The following PDZK1IP1 variants were observed in gnomAD, a reference collection of about 807,000 sequenced individuals.
PDZK1IP1 encodes PDZK1-interacting protein 1.
In PDZK1IP1, 9 loss-of-function variants were observed where a neutral mutation model predicts 14.7. The ratio of observed to expected loss-of-function variants is 0.61; its 90% CI spans 0.37 to 1.07. PDZK1IP1 has a LOEUF of 1.07. Ranked by LOEUF, PDZK1IP1 falls within the 50% of genes least tolerant of loss-of-function variation. PDZK1IP1 has a pLI of 0.01. For missense variants in PDZK1IP1, 152 were observed against 148.7 expected (o/e 1.02, Z -0.11); for synonymous variants, 70 against 61.2 (o/e 1.14, Z -0.67).
chr1:47,188,211 G>T (rs1238233651), intron 1 of PDZK1IP1, among the ~76,000 whole-genome samples: 2 of 152,200 alleles, frequency 1.3e-5, no homozygotes, highest in African/African-American at 4.8e-5. Flanking sequence ...TTACTACGTT[G>T]CCCAGGCTGG....
At chr1:47,184,512 A>AG in intron 3 of PDZK1IP1, among the ~76,000 whole-genome samples, 1 of 137,468 alleles carries the variant, frequency 7.3e-6, no homozygotes, top group Middle Eastern at 3.8e-3. Context: ...TCCCCCACTG[A>AG]ATCCATCCCC....
chr1:47,186,355 A>C (rs1208813616), intron 2 of PDZK1IP1, among the ~76,000 whole-genome samples: 2 of 150,910 alleles, frequency 1.3e-5, no homozygotes, highest in Admixed American at 1.3e-4. Context: ...ATTCCTGCTC[A>C]CTTAGGTAAA....
At chr1:47,187,570 G>A (rs1414964649) in intron 1 of PDZK1IP1, 143 bp from the exon 2 acceptor site, 5 of 667,632 alleles carry the variant, frequency 7.5e-6, no homozygotes, top group African/African-American at 1.8e-5. Context: ...ATTGTGGGGA[G>A]GCAGGGGTGG....
intron 2 of PDZK1IP1, 179 bp from the exon 3 acceptor site, chr1:47,185,276 C>T (rs1484955173): frequency 1.7e-6 from 1 of 601,516 alleles, no homozygotes; most frequent in Non-Finnish European, 3.0e-6. Context: ...CTCACTTTCT[C>T]CCCACTCCAT....
intron 1 of PDZK1IP1, among the ~76,000 whole-genome samples, chr1:47,189,506 C>T (rs548719830): frequency 6.3e-4 from 96 of 152,264 alleles, no homozygotes; most frequent in Non-Finnish European, 1.2e-3. Context: ...CCCAAGAGGC[C>T]GAGACAAAGC....
chr1:47,189,788 A>C, intron 1 of PDZK1IP1, 78 bp downstream of exon 1: 1 of 1,089,322 alleles, frequency 9.2e-7, no homozygotes. Flanking sequence ...GTAAGTATCA[A>C]GGCCCTGGGG....
In PDZK1IP1 at chr1:47,184,967, G is replaced by A. The variant is rs753699248; in HGVS notation, c.272+35C>T. The A allele has an allele frequency of 2.0e-5, 31 of 1,522,568 alleles. No homozygotes were observed. The African/African-American group carries it at 3.7e-4, about 18-fold the overall frequency. The allele number at this position is 1,522,568 out of a possible 1,614,324, so 94.3% of individuals were successfully genotyped here. A position where few individuals can be genotyped will look rare whatever the true frequency, so the allele number is the denominator to read the frequency against. ...TCTTGAGATTCTCCTTAGGCCCTGG[G>A]AGCACAGACCGGGCAGCCCTGCCCT... On this transcript the variant is annotated intron_variant, in intron 3 of 3. Transcript: ENST00000294338.
Position 47,189,810 on chromosome 1 carries a change from A to AAC in PDZK1IP1, c.67+54_67+55dup. Reference sequence around the variant, plus strand: ...TCAAGGCCCTGGGGAGGGGAGCCAGAACACCACCTGTCCACCCCTGGGTCT... The same window carrying AAC: ...TCAAGGCCCTGGGGAGGGGAGCCAGAACACACCACCTGTCCACCCCTGGGTCT... On this transcript the variant is annotated intron_variant, in intron 1 of 3. Transcript: ENST00000294338. 3.6e-6 allele frequency: 5 copies of AAC among 1,385,656 alleles called. No homozygotes were observed. In the South Asian group the frequency reaches 6.8e-5, roughly 19 times the overall value. The allele number at this position is 1,385,656 out of a possible 1,614,324, so 85.8% of individuals were successfully genotyped here.
In PDZK1IP1 at chr1:47,185,115, C is replaced by T. The variant is rs755557086; in HGVS notation, c.177-18G>A. 6.8e-6 allele frequency: 11 copies of T among 1,606,534 alleles called. No homozygotes were observed. The Admixed American group carries it at 1.0e-4, about 15-fold the overall frequency. ...CAGGCTCCCTGGGGATGGGATTCATCAGTGGGGCTCCTCAGTGGGGCCCCC... is the reference window on the plus strand; with the variant it reads ...CAGGCTCCCTGGGGATGGGATTCATTAGTGGGGCTCCTCAGTGGGGCCCCC... On this transcript the variant is annotated intron_variant, in intron 2 of 3. Coordinates refer to ENST00000294338, the MANE Select transcript of PDZK1IP1 (RefSeq NM_005764.4).
At chr1:47,184,078 G>T in intron 3 of PDZK1IP1, 35 bp from the exon 4 acceptor site, 2 of 1,483,734 alleles carry the variant, frequency 1.3e-6, no homozygotes, top group Non-Finnish European at 1.9e-6. Flanking sequence ...ATGGGTCATC[G>T]CTCCTCCCAT....
At chr1:47,187,666 G>A (rs1645328962) in intron 1 of PDZK1IP1, among the ~76,000 whole-genome samples, 1 of 152,238 alleles carries the variant, frequency 6.6e-6, no homozygotes, top group African/African-American at 2.4e-5. Flanking sequence ...CAGAGGCTCA[G>A]AGAGAAGGGA....
intron 1 of PDZK1IP1, 54 bp downstream of exon 1, chr1:47,189,812 C>A: frequency 1.4e-6 from 2 of 1,397,694 alleles, no homozygotes; most frequent in East Asian, 2.4e-5. Flanking sequence ...GGAGCCAGAA[C>A]ACCACCTGTC....
chr1:47,185,084 T>C lies in PDZK1IP1; in HGVS notation c.190A>G (p.Met64Val). The stretch of plus-strand genomic sequence containing the variant: ...GCCTTGTTTCCGACGGTCAGGATCA[T>C]GTGTGCAGGCTCCCTGGGGATGGGA... ...WCQEEPEPAH[M>V]ILTVGNKADG... The change falls in exon 3 of 4, where the codon ATG (methionine) becomes GTG (valine). Residue 64 changes from methionine (M) to valine (V), a missense_variant. Coordinates refer to ENST00000294338, the MANE Select transcript of PDZK1IP1 (RefSeq NM_005764.4). 2.5e-6 allele frequency: 4 copies of C among 1,613,146 alleles called. No individual in the cohort carries two copies. Among genetic ancestry groups the C allele is most frequent in the South Asian group, 1.1e-5 (1 of 91,078 alleles).
chr1:47,184,594 A>AACCC, intron 3 of PDZK1IP1, among the ~76,000 whole-genome samples: 1 of 100,786 alleles, frequency 9.9e-6, no homozygotes, highest in Non-Finnish European at 2.0e-5. Context: ...TACCCCACTG[A>AACCC]GTCCACACCC....
chr1:47,184,199 C>T (rs942480855), intron 3 of PDZK1IP1, among the ~76,000 whole-genome samples, 156 bp from the exon 4 acceptor site: 1 of 151,794 alleles, frequency 6.6e-6, no homozygotes, highest in Non-Finnish European at 1.5e-5. Context: ...CTTATGCATC[C>T]GAGACTGGAG....
intron 2 of PDZK1IP1, 81 bp downstream of exon 2, chr1:47,187,238 G>A (rs1645325262): frequency 3.2e-6 from 3 of 938,152 alleles, no homozygotes; most frequent in Non-Finnish European, 5.1e-6. Flanking sequence ...GGGTTTCTGA[G>A]GCCCTTCTCA....
Position 47,183,694 on chromosome 1 carries a change from G to C in PDZK1IP1, c.*277C>G, listed in dbSNP as rs1007062811. The C allele has an allele frequency of 8.4e-6, 4 of 477,694 alleles. No individual in the cohort carries two copies. Among genetic ancestry groups the C allele is most frequent in the South Asian group, 3.9e-5 (1 of 25,680 alleles). 29.6% of individuals were successfully genotyped at this position (477,694 alleles called of 1,614,324 possible). On this transcript the variant is annotated 3_prime_UTR_variant, in exon 4 of 4. Transcript: ENST00000294338. ...TTTCCATAGTTATGGGGAAGGACGT[G>C]TGAGCAGGATGGGAGGTGCTCAGCT...
At chr1:47,188,579 T>C (rs1645333958) in intron 1 of PDZK1IP1, among the ~76,000 whole-genome samples, 2 of 152,190 alleles carry the variant, frequency 1.3e-5, no homozygotes, top group Non-Finnish European at 2.9e-5. Context: ...AAGCTGGACA[T>C]GAGAAAACCT....
In PDZK1IP1 at chr1:47,183,826, T is replaced by C; in HGVS notation, c.*145A>G. 1 of 721,294 alleles carries C rather than the reference T, an allele frequency of 1.4e-6. No homozygotes were observed. Among genetic ancestry groups the C allele is most frequent in the East Asian group, 2.7e-5 (1 of 37,076 alleles). The allele number at this position is 721,294 out of a possible 1,614,324, so 44.7% of individuals were successfully genotyped here. On this transcript the variant is annotated 3_prime_UTR_variant, in exon 4 of 4. Coordinates refer to ENST00000294338, the MANE Select transcript of PDZK1IP1 (RefSeq NM_005764.4). ...AGCTCCAACCTTGGCTGGCTATACT[T>C]CAAGGGCGGGTAGGGCCGGCATGGG... is the stretch of plus-strand genomic sequence containing the variant.
Sources: gnomAD v4.1 joint callset for allele counts (sites outside exome capture counted in the v4.1 genomes callset) on GRCh38, gnomAD v4.1.1 for gene constraint, MANE v1.5 for transcripts, NCBI Gene and HGNC (gene_info 2026-07-23, HGNC 2026-07-21) for gene names.